The following ACIN1 variants were observed in gnomAD, a reference collection of about 807,000 sequenced individuals.
ACIN1 encodes the protein apoptotic chromatin condensation inducer in the nucleus.
A neutral mutation model predicts 146.6 loss-of-function variants in ACIN1; 16 were observed. The ratio of observed to expected loss-of-function variants is 0.11; its 90% confidence interval spans 0.07 to 0.17. The LOEUF (loss-of-function observed/expected upper bound fraction) is 0.17, where lower values mean the gene tolerates loss of function less well. Ranked by LOEUF, ACIN1 falls within the 10% of genes least tolerant of loss-of-function variation. ACIN1 has a pLI of 1.00. For missense variants in ACIN1, 1,357 were observed against 1,609.3 expected, an observed-to-expected ratio of 0.84 and a Z score of 2.68; for synonymous variants, 569 against 582.7, an observed-to-expected ratio of 0.98 and a Z score of 0.34.
At chr14:23,083,703 T>C (rs569222233) in intron 4 of ACIN1, among the ~76,000 whole-genome samples, 1 of 152,274 alleles carries the variant, frequency 6.6e-6, no homozygotes, top group South Asian at 2.1e-4. Flanking sequence ...CACTCCAGCC[T>C]GGGCGACAGA....
chr14:23,088,966 A>G (rs2048157184), intron 4 of ACIN1, among the ~76,000 whole-genome samples: 1 of 152,162 alleles, frequency 6.6e-6, no homozygotes, highest in Non-Finnish European at 1.5e-5. Flanking sequence ...TGACTTAGAC[A>G]GGTAGTTCCC....
chr14:23,079,541 A>G lies in ACIN1; in HGVS notation c.1788+6T>C. 3 of 1,612,392 alleles carry G rather than the reference A, an allele frequency of 1.9e-6. No individual in the cohort carries two copies. Among genetic ancestry groups the G allele is most frequent in the Non-Finnish European group, 2.5e-6 (3 of 1,178,964 alleles). On this transcript the variant is annotated splice_donor_region_variant and intron_variant, in intron 6 of 18. Transcript: ENST00000605057. ...ATTAATACACCCGGGATTCTCTCAT[A>G]CTCACTTTTCTGCTGTTGCTTGATG...
At chr14:23,095,426 G>A, upstream of ACIN1, 1 of 1,187,326 alleles carries the variant, frequency 8.4e-7, no homozygotes, top group Non-Finnish European at 1.2e-6. Context: ...CATAATCGGA[G>A]ATGTTCGTTT....
intron 8 of ACIN1, chr14:23,071,039 G>A (rs545720296): frequency 4.0e-5 from 56 of 1,413,522 alleles, no homozygotes; most frequent in African/African-American, 1.4e-5. Context: ...AACGAAAGAC[G>A]GAATGAAAGC....
At chr14:23,072,139 G>A (rs147284937) in intron 8 of ACIN1, among the ~76,000 whole-genome samples, 1,829 of 152,236 alleles carry the variant, frequency 0.012, 15 homozygotes, top group Admixed American at 0.015. Context: ...CAATGACCAC[G>A]TGTTACTACT....
Position 23,089,463 on chromosome 14 carries a change from C to T in ACIN1, c.436+519G>A, listed in dbSNP as rs547262249. Among the ~76,000 whole-genome samples, 5 of 152,308 alleles carry T rather than the reference C, an allele frequency of 3.3e-5. No homozygotes were observed. In the South Asian group the frequency reaches 8.3e-4, roughly 25 times the overall value. On this transcript the variant is annotated intron_variant, in intron 4 of 18. Coordinates refer to ENST00000605057, the MANE Select transcript of ACIN1 (RefSeq NM_001386863.1). Reference sequence around the variant, plus strand: ...TATAATATGCTCACATAATACTCTGCGTTGCCTTGCACAGTAGCCAAAACA... The same window carrying T: ...TATAATATGCTCACATAATACTCTGTGTTGCCTTGCACAGTAGCCAAAACA...
chr14:23,065,700 C>T (rs1316908363), intron 10 of ACIN1, among the ~76,000 whole-genome samples: 2 of 152,166 alleles, frequency 1.3e-5, no homozygotes, highest in Non-Finnish European at 2.9e-5. Flanking sequence ...AGAATAAATG[C>T]CTCTAAGGCT....
chr14:23,060,784 T>C (rs1234823213), intron 18 of ACIN1, among the ~76,000 whole-genome samples: 2 of 152,210 alleles, frequency 1.3e-5, no homozygotes, highest in Non-Finnish European at 2.9e-5. Flanking sequence ...GTGCTGGCAT[T>C]AGAGGCGTGA....
chr14:23,064,713 A>C, intron 10 of ACIN1: 1 of 530,534 alleles, frequency 1.9e-6, no homozygotes, highest in Admixed American at 3.3e-5. Context: ...CCTGACCAAC[A>C]TGGTGAAACC....
At position 23,069,463 on chromosome 14, in the gene ACIN1, C is replaced by G; in HGVS notation, c.2265+13G>C. On this transcript the variant is annotated intron_variant, in intron 9 of 18. Transcript: ENST00000605057. ...CCTGCCCACCCGCCCCAATAGGTGG[C>G]TTGGATGTTTACCTCTTTCTTCTCC... is the stretch of plus-strand genomic sequence containing the variant. The G allele has an allele frequency of 6.2e-7, 1 of 1,612,320 alleles. No individual in the cohort carries two copies. Among genetic ancestry groups the G allele is most frequent in the Non-Finnish European group, 8.5e-7 (1 of 1,179,050 alleles).
At position 23,079,837 on chromosome 14, in the gene ACIN1, T is replaced by C; in HGVS notation, c.1498A>G (p.Arg500Gly). The change falls in exon 6 of 19, where the codon AGA becomes GGA. Residue 500 changes from arginine to glycine, a missense_variant. Physicochemically the swap from Arg to Gly is moderately radical, Grantham distance 125. Coordinates refer to ENST00000605057, the MANE Select transcript of ACIN1 (RefSeq NM_001386863.1). ...GGGAGAAGGGTATGAGAAGCTCTTC[T>C]GCCTTCCTTCTGTTCCAAAGATGGC... Reference protein sequence around the residue: ...KQPSLEQKEGRRASHTLLPSH... With the variant: ...KQPSLEQKEGGRASHTLLPSH... The C allele has an allele frequency of 6.2e-7, 1 of 1,614,258 alleles. No individual in the cohort carries two copies. Among genetic ancestry groups the C allele is most frequent in the Non-Finnish European group, 8.5e-7 (1 of 1,180,050 alleles).
rs771816043 is a variant in ACIN1 at position 23,068,244 on chromosome 14, T to C, written c.2265+1232A>G. The C allele has an allele frequency of 1.2e-4, 122 of 985,768 alleles. No individual in the cohort carries two copies. Among genetic ancestry groups the C allele is most frequent in the Non-Finnish European group, 1.4e-4 (118 of 829,976 alleles). 61.1% of individuals were successfully genotyped at this position (985,768 alleles called of 1,614,324 possible). A position where few individuals can be genotyped will look rare whatever the true frequency, so the allele number is the denominator to read the frequency against. ...AGCATGGCACTGCGATCACAAACTT[T>C]AGGAGGTCTTGGTGCCCTAGATGGG... On this transcript the variant is annotated intron_variant, in intron 9 of 18. Transcript: ENST00000605057. The surrounding 1 kb of genome is among the most constrained non-coding windows in gnomAD (Gnocchi z 4.3).
chr14:23,072,328 A>T (rs943134360), intron 8 of ACIN1, among the ~76,000 whole-genome samples: 2 of 152,184 alleles, frequency 1.3e-5, no homozygotes, highest in Non-Finnish European at 2.9e-5. Flanking sequence ...CCAGAAAAAG[A>T]AAGGATAAAC....
chr14:23,063,653 G>A (rs2047359369), intron 12 of ACIN1, 76 bp from the exon 13 acceptor site: 8 of 1,552,136 alleles, frequency 5.2e-6, no homozygotes, highest in East Asian at 2.2e-5. Context: ...CTGGTTCCCC[G>A]GTAAGAGTAG....
At chr14:23,084,207 A>G (rs1223639428) in intron 4 of ACIN1, among the ~76,000 whole-genome samples, 1 of 152,128 alleles carries the variant, frequency 6.6e-6, no homozygotes, top group Non-Finnish European at 1.5e-5. Flanking sequence ...TTGGCCTCCC[A>G]AAGTGCTGGG....
At chr14:23,089,339 C>T (rs368534552) in intron 4 of ACIN1, among the ~76,000 whole-genome samples, 36 of 152,258 alleles carry the variant, frequency 2.4e-4, no homozygotes, top group African/African-American at 8.2e-4. Context: ...GAGGCGTGAG[C>T]GACCACACCC....
In ACIN1 at chr14:23,078,156, G is replaced by A. The variant is rs746625833; in HGVS notation, c.2118C>T (p.His706=). 2.5e-6 allele frequency: 4 copies of A among 1,613,964 alleles called. No homozygotes were observed. Among genetic ancestry groups the A allele is most frequent in the Non-Finnish European group, 3.4e-6 (4 of 1,179,942 alleles). ...GGTCGAGATATATCACTTACACAGT[G>A]TGATGAATTCTTTCTGATTCTGGCA... The part of the protein sequence containing the change: ...SHLPESERIH[H]TVEEKEEVTM... The change falls in exon 8 of 19, where the codon CAC becomes CAT. Residue 706 remains histidine, a synonymous_variant. Coordinates refer to ENST00000605057, the MANE Select transcript of ACIN1 (RefSeq NM_001386863.1).
chr14:23,071,183 C>G (rs1243409443), intron 8 of ACIN1: 1 of 1,536,588 alleles, frequency 6.5e-7, no homozygotes, highest in Non-Finnish European at 8.7e-7. Flanking sequence ...CTGTTTATCC[C>G]TTTCTGGAAT....
At chr14:23,086,116 A>C (rs1032514706) in intron 4 of ACIN1, among the ~76,000 whole-genome samples, 1 of 152,218 alleles carries the variant, frequency 6.6e-6, no homozygotes, top group African/African-American at 2.4e-5. Flanking sequence ...GGTGTGAATA[A>C]GAAGCAGGAA....
Sources: gnomAD v4.1 joint callset for allele counts (sites outside exome capture counted in the v4.1 genomes callset) on GRCh38, gnomAD v4.1.1 for gene constraint, Gnocchi (gnomAD v3.1) non-coding constraint, MANE v1.5 for transcripts, NCBI Gene and HGNC (gene_info 2026-07-23, HGNC 2026-07-21) for gene names.